GABBR2: variants seen among roughly 807,000 people sequenced by gnomAD.
The protein encoded by GABBR2 is G-protein coupled receptor 51.
In GABBR2, 23 loss-of-function variants were observed where a neutral mutation model predicts 105.6. The ratio of observed to expected loss-of-function variants is 0.22; its 90% CI spans 0.16 to 0.31. The LOEUF is 0.31. Ranked by LOEUF, GABBR2 falls within the 10% of genes least tolerant of loss-of-function variation. GABBR2 has a pLI of 1.00. For synonymous variants in GABBR2, 478 were observed against 499.7 expected, an observed-to-expected ratio of 0.96 and a Z score of 0.58; for missense variants, 734 against 1,245.5, an observed-to-expected ratio of 0.59 and a Z score of 6.18.
chr9:98,445,595 T>C (rs1294511987), intron 7 of GABBR2, among the ~76,000 whole-genome samples: 1 of 152,132 alleles, frequency 6.6e-6, no homozygotes, highest in Non-Finnish European at 1.5e-5. Flanking sequence ...TCAGATGTGG[T>C]TTAAGATGAA....
intron 8 of GABBR2, among the ~76,000 whole-genome samples, chr9:98,397,712 C>T (rs1053938101): frequency 6.6e-6 from 1 of 152,192 alleles, no homozygotes; most frequent in African/African-American, 2.4e-5. Flanking sequence ...CCAAACCCTA[C>T]CTGCCTCTTC....
chr9:98,625,877 G>A (rs182377207), intron 1 of GABBR2, among the ~76,000 whole-genome samples: 4 of 152,284 alleles, frequency 2.6e-5, no homozygotes, highest in Admixed American at 6.5e-5. Context: ...TCAGGGAGGC[G>A]AAGGGAGCCA....
chr9:98,568,630 G>A (rs1588232275), intron 2 of GABBR2, among the ~76,000 whole-genome samples: 1 of 152,258 alleles, frequency 6.6e-6, no homozygotes, highest in East Asian at 1.9e-4. Flanking sequence ...CCACCACAGA[G>A]CCTGCCACAT....
chr9:98,502,086 C>T (rs141212415), intron 3 of GABBR2, among the ~76,000 whole-genome samples: 1 of 152,224 alleles, frequency 6.6e-6, no homozygotes, highest in Non-Finnish European at 1.5e-5. Context: ...CGTCCACACA[C>T]TAGACATGGG....
intron 7 of GABBR2, among the ~76,000 whole-genome samples, chr9:98,407,408 A>G (rs900804063): frequency 6.6e-6 from 1 of 152,206 alleles, no homozygotes; most frequent in African/African-American, 2.4e-5. Context: ...CCCTGAAGAC[A>G]GCTGTGAGTA....
chr9:98,426,103 G>C (rs1825680609), intron 7 of GABBR2, among the ~76,000 whole-genome samples: 2 of 152,210 alleles, frequency 1.3e-5, no homozygotes, highest in African/African-American at 4.8e-5. Flanking sequence ...TGGGGAGGCA[G>C]GTCTTGAATC....
chr9:98,596,897 C>T (rs766081967), intron 1 of GABBR2, among the ~76,000 whole-genome samples: 1 of 152,088 alleles, frequency 6.6e-6, no homozygotes, highest in African/African-American at 2.4e-5. Context: ...TGGGAATTGG[C>T]AGCTCCCCTC....
chr9:98,407,275 C>T (rs767452016), intron 7 of GABBR2, among the ~76,000 whole-genome samples: 1 of 152,178 alleles, frequency 6.6e-6, no homozygotes, highest in Non-Finnish European at 1.5e-5. Context: ...CCCCAGGAAG[C>T]ATTTTTCCTT....
intron 1 of GABBR2, among the ~76,000 whole-genome samples, chr9:98,586,306 T>A (rs1202482793): frequency 6.7e-6 from 1 of 148,778 alleles, no homozygotes; most frequent in Non-Finnish European, 1.5e-5. Context: ...TTTTTTTGTT[T>A]GTTTGTTTTT....
chr9:98,377,647 C>T (rs1351136626), intron 11 of GABBR2, among the ~76,000 whole-genome samples: 1 of 152,198 alleles, frequency 6.6e-6, no homozygotes. Context: ...AACAAGAGTG[C>T]TGAGCAGAGC....
At chr9:98,291,425 C>G (rs150719908) in intron 18 of GABBR2, among the ~76,000 whole-genome samples, 35 of 152,312 alleles carry the variant, frequency 2.3e-4, no homozygotes, top group Non-Finnish European at 3.2e-4. Flanking sequence ...CTCCACAGGG[C>G]TTTCAGTTTC....
Position 98,293,907 on chromosome 9 carries a change from A to G in GABBR2, c.2543-5T>C. The G allele has an allele frequency of 6.6e-7, 1 of 1,514,020 alleles. No individual in the cohort carries two copies. Among genetic ancestry groups the G allele is most frequent in the African/African-American group, 1.4e-5 (1 of 72,504 alleles). The allele number at this position is 1,514,020 out of a possible 1,614,324, so 93.8% of individuals were successfully genotyped here. A position where few individuals can be genotyped will look rare whatever the true frequency, so the allele number is the denominator to read the frequency against. ...TTAAAATGGCCTTTCCTCCATCTGAATGCAAAACAACAATACCACAACATG... is the reference window on the plus strand; with the variant it reads ...TTAAAATGGCCTTTCCTCCATCTGAGTGCAAAACAACAATACCACAACATG... On this transcript the variant is annotated splice_region_variant and splice_polypyrimidine_tract_variant and intron_variant, in intron 17 of 18. Transcript: ENST00000259455.
At chr9:98,392,019 C>T (rs974957168) in intron 9 of GABBR2, among the ~76,000 whole-genome samples, 3 of 152,076 alleles carry the variant, frequency 2.0e-5, no homozygotes, top group Non-Finnish European at 4.4e-5. Context: ...AAGGCCTGGG[C>T]TCTGCCCTGA....
At chr9:98,512,103 A>T (rs1827656710) in intron 3 of GABBR2, among the ~76,000 whole-genome samples, 1 of 151,962 alleles carries the variant, frequency 6.6e-6, no homozygotes, top group African/African-American at 2.4e-5. Context: ...CTGGTTCAAC[A>T]TATGAAAATC....
chr9:98,335,227 G>A (rs1831092672), intron 13 of GABBR2, among the ~76,000 whole-genome samples: 1 of 152,178 alleles, frequency 6.6e-6, no homozygotes, highest in Admixed American at 6.5e-5. Context: ...CAGAGGGCCT[G>A]CGTAGCTCTT....
Position 98,290,526 on chromosome 9 carries a change from C to A in GABBR2, c.*58G>T, listed in dbSNP as rs1830285880. Reference sequence around the variant, plus strand: ...GAGCCGACAGTGTTTCTGCAGCAGACCCCTCTGCCCAGTGTGGTTCTGTCA... The same window carrying A: ...GAGCCGACAGTGTTTCTGCAGCAGAACCCTCTGCCCAGTGTGGTTCTGTCA... On this transcript the variant is annotated 3_prime_UTR_variant, in exon 19 of 19. Coordinates refer to ENST00000259455, the MANE Select transcript of GABBR2 (RefSeq NM_005458.8). The A allele has an allele frequency of 4.3e-6, 5 of 1,175,732 alleles. No individual in the cohort carries two copies. The highest frequency in any genetic ancestry group is 5.5e-6 in the Non-Finnish European group (5 of 909,244). The allele number at this position is 1,175,732 out of a possible 1,614,324, so 72.8% of individuals were successfully genotyped here. A position where few individuals can be genotyped will look rare whatever the true frequency, so the allele number is the denominator to read the frequency against.
intron 7 of GABBR2, among the ~76,000 whole-genome samples, chr9:98,410,222 G>T (rs775096735): frequency 1.3e-5 from 2 of 151,722 alleles, no homozygotes; most frequent in Non-Finnish European, 1.5e-5. Context: ...CTTTCGTCTT[G>T]TGCAATTCCA....
intron 13 of GABBR2, among the ~76,000 whole-genome samples, chr9:98,350,134 TTTC>T (rs1158706983): frequency 9.9e-5 from 15 of 151,858 alleles, no homozygotes; most frequent in Admixed American, 9.2e-4. Flanking sequence ...TCATCTTTTT[TTTC>T]TTGTTTAGTC....
chr9:98,338,778 A>G (rs1018707996), intron 13 of GABBR2, among the ~76,000 whole-genome samples: 5 of 152,234 alleles, frequency 3.3e-5, no homozygotes, highest in Non-Finnish European at 5.9e-5. Context: ...TTCCACTCCC[A>G]GGTATATATC....
Sources: allele counts gnomAD v4.1 joint callset (sites outside exome capture counted in the v4.1 genomes callset), GRCh38; gene constraint gnomAD v4.1.1; transcripts MANE v1.5; gene names NCBI Gene and HGNC (gene_info 2026-07-23, HGNC 2026-07-21).